Variants in SDK1 observed in about 807,000 individuals in gnomAD.
The protein encoded by SDK1 is protein sidekick-1.
SDK1 carries 157 observed loss-of-function variants against 245.5 expected under a neutral mutation model. That is an observed-to-expected ratio of 0.64 (90% confidence interval 0.56 to 0.73). SDK1 has a LOEUF of 0.73. Among genes scored for constraint, SDK1 ranks in the 30% least tolerant of loss-of-function variants. SDK1 has a pLI of 0.00. For synonymous variants in SDK1, 1,647 were observed against 1,278.5 expected (o/e 1.29, Z -6.15); for missense variants, 3,583 against 3,002.3 (o/e 1.19, Z -4.52).
chr7:3,371,229 T>A (rs930282596), intron 1 of SDK1, among the ~76,000 whole-genome samples: 30 of 152,072 alleles, frequency 2.0e-4, no homozygotes, highest in African/African-American at 5.8e-4. Flanking sequence ...AAGGGAGAAA[T>A]GTGCTAGTAT....
At chr7:3,592,426 T>A (rs1583204507) in intron 1 of SDK1, among the ~76,000 whole-genome samples, 2 of 152,360 alleles carry the variant, frequency 1.3e-5, no homozygotes, top group East Asian at 3.9e-4. Context: ...CGCCTTCTAC[T>A]TTAAGTCTTT....
At chr7:3,348,237 G>A (rs745792830) in intron 1 of SDK1, among the ~76,000 whole-genome samples, 2 of 152,156 alleles carry the variant, frequency 1.3e-5, no homozygotes, top group African/African-American at 2.4e-5. Flanking sequence ...TGTGTGATCC[G>A]AGGCAATTTT....
intron 38 of SDK1, among the ~76,000 whole-genome samples, chr7:4,218,558 C>T (rs1238766973): frequency 1.3e-5 from 2 of 152,136 alleles, no homozygotes; most frequent in African/African-American, 2.4e-5. Context: ...GAAAGATGGA[C>T]CCGTTTTGTA....
chr7:3,359,535 T>C (rs1223251731), intron 1 of SDK1, among the ~76,000 whole-genome samples: 1 of 152,126 alleles, frequency 6.6e-6, no homozygotes, highest in Non-Finnish European at 1.5e-5. Flanking sequence ...TGCTTGTTTG[T>C]GATGAGTATT....
chr7:3,656,526 A>G (rs182583711), intron 4 of SDK1, among the ~76,000 whole-genome samples: 1 of 152,278 alleles, frequency 6.6e-6, no homozygotes, highest in East Asian at 1.9e-4. Flanking sequence ...GTCAAAAATT[A>G]AGAAAACTTT....
At chr7:3,746,858 T>G (rs949357145) in intron 4 of SDK1, among the ~76,000 whole-genome samples, 1 of 152,210 alleles carries the variant, frequency 6.6e-6, no homozygotes, top group Non-Finnish European at 1.5e-5. Context: ...AATGTTGATA[T>G]TTTGACCTCC....
intron 1 of SDK1, among the ~76,000 whole-genome samples, chr7:3,442,950 A>C (rs749716763): frequency 1.3e-5 from 2 of 152,158 alleles, no homozygotes; most frequent in Non-Finnish European, 2.9e-5. Context: ...ATTTCTCCCA[A>C]GAAGCCTGCT....
At chr7:3,409,192 G>A (rs1315063698) in intron 1 of SDK1, among the ~76,000 whole-genome samples, 3 of 152,084 alleles carry the variant, frequency 2.0e-5, no homozygotes, top group East Asian at 3.9e-4. Context: ...TCAATTTCAT[G>A]TTGGTGTTTC....
At chr7:4,195,279 C>A (rs565247958) in intron 35 of SDK1, among the ~76,000 whole-genome samples, 5 of 152,198 alleles carry the variant, frequency 3.3e-5, no homozygotes, top group Non-Finnish European at 7.3e-5. Flanking sequence ...TCACGCGATG[C>A]GCTGCTTGTT....
At chr7:3,475,779 T>G (rs1054241486) in intron 1 of SDK1, among the ~76,000 whole-genome samples, 3 of 152,164 alleles carry the variant, frequency 2.0e-5, no homozygotes, top group Admixed American at 6.5e-5. Context: ...AAGACAGTCT[T>G]CCACAGATGC....
intron 4 of SDK1, among the ~76,000 whole-genome samples, chr7:3,672,560 G>C (rs1019914): frequency 7.1e-6 from 1 of 141,366 alleles, no homozygotes; most frequent in African/African-American, 2.6e-5. Flanking sequence ...GAGTGAGATC[G>C]ATAAAGGAGA....
chr7:3,519,274 G>C (rs1409607580), intron 1 of SDK1, among the ~76,000 whole-genome samples: 4 of 152,066 alleles, frequency 2.6e-5, no homozygotes, highest in Admixed American at 2.6e-4. Context: ...AAATATGTAG[G>C]AGGGTATTGA....
chr7:4,257,336 C>G (rs1160948534), intron 44 of SDK1, among the ~76,000 whole-genome samples: 1 of 152,232 alleles, frequency 6.6e-6, no homozygotes, highest in Admixed American at 6.5e-5. Context: ...TGTCCTTCTA[C>G]AGTTTCCCGG....
At chr7:3,456,578 C>G (rs941811333) in intron 1 of SDK1, among the ~76,000 whole-genome samples, 1 of 152,140 alleles carries the variant, frequency 6.6e-6, no homozygotes, top group African/African-American at 2.4e-5. Flanking sequence ...AAAATAACTT[C>G]TAGTTCTAGA....
At chr7:4,261,121 C>G (rs557753319) in intron 44 of SDK1, among the ~76,000 whole-genome samples, 1 of 152,162 alleles carries the variant, frequency 6.6e-6, no homozygotes, top group African/African-American at 2.4e-5. Context: ...TGGCTCCCTG[C>G]TACGCCTCCA....
intron 44 of SDK1, among the ~76,000 whole-genome samples, chr7:4,258,087 C>G (rs1787737932): frequency 6.6e-6 from 1 of 152,208 alleles, no homozygotes. Context: ...AGACCCTTCT[C>G]TTGAGACTAC....
intron 1 of SDK1, among the ~76,000 whole-genome samples, chr7:3,391,199 A>G (rs914456291): frequency 7.2e-5 from 11 of 152,142 alleles, no homozygotes; most frequent in Admixed American, 2.0e-4. Context: ...GTCTTCTGCA[A>G]TTTGTTTGTT....
chr7:4,066,361 C>CT (rs2128172825), intron 19 of SDK1, among the ~76,000 whole-genome samples: 1 of 152,300 alleles, frequency 6.6e-6, no homozygotes, highest in South Asian at 2.1e-4. Context: ...TGGAGGGGCA[C>CT]TTTCAGGCAC....
intron 5 of SDK1, among the ~76,000 whole-genome samples, chr7:3,870,265 A>C (rs1249023273): frequency 1.3e-5 from 2 of 152,086 alleles, no homozygotes; most frequent in Admixed American, 6.5e-5. Context: ...ATTTATTCTA[A>C]TATATAAAGT....
Sources: allele counts gnomAD v4.1 joint callset (sites outside exome capture counted in the v4.1 genomes callset), GRCh38; gene constraint gnomAD v4.1.1; transcripts MANE v1.5; gene names NCBI Gene and HGNC (gene_info 2026-07-23, HGNC 2026-07-21).